The following NKAIN2 variants were observed in gnomAD, a reference collection of about 807,000 sequenced individuals.
NKAIN2 encodes sodium/potassium-transporting ATPase subunit beta-1-interacting protein 2.
Under a neutral mutation model 32.6 loss-of-function variants are expected in NKAIN2, and 14 were observed. The observed-to-expected ratio is 0.43, with a 90% CI of 0.28 to 0.67. NKAIN2 has a LOEUF of 0.67. Among genes scored for constraint, NKAIN2 ranks in the 30% least tolerant of loss-of-function variants. NKAIN2 has a pLI of 0.17. For synonymous variants in NKAIN2, 80 were observed against 87.2 expected, an observed-to-expected ratio of 0.92 and a Z score of 0.46; for missense variants, 198 against 258.3, an observed-to-expected ratio of 0.77 and a Z score of 1.60.
chr6:124,691,444 C>T (rs537016367), intron 4 of NKAIN2, among the ~76,000 whole-genome samples: 1 of 152,248 alleles, frequency 6.6e-6, no homozygotes, highest in South Asian at 2.1e-4. Context: ...GTACAAAATT[C>T]AAATTCTTCA....
In NKAIN2 at chr6:124,636,081, A is replaced by G. The variant is rs79184124; in HGVS notation, c.274-22105A>G. Reference sequence around the variant, plus strand: ...CAGCAAATTTTTAAAAATTTAAATCATGTCAAGTATCTTCTCAGACCACAA... The same window carrying G: ...CAGCAAATTTTTAAAAATTTAAATCGTGTCAAGTATCTTCTCAGACCACAA... On this transcript the variant is annotated intron_variant, in intron 3 of 6. Transcript: ENST00000368417. 5.4e-3 allele frequency among the ~76,000 whole-genome samples: 825 copies of G among 152,096 alleles called. 11 individuals are homozygous for G. Among genetic ancestry groups the G allele is most frequent in the African/African-American group, 0.019 (787 of 41,552 alleles).
chr6:124,343,325 T>C (rs1342259263), intron 2 of NKAIN2, among the ~76,000 whole-genome samples: 8 of 151,676 alleles, frequency 5.3e-5, no homozygotes, highest in Non-Finnish European at 8.8e-5. Context: ...GCATGATTTA[T>C]AGTCCTTTGG....
At chr6:124,447,608 C>T (rs994780127) in intron 3 of NKAIN2, among the ~76,000 whole-genome samples, 7 of 152,076 alleles carry the variant, frequency 4.6e-5, no homozygotes, top group Non-Finnish European at 8.8e-5. Context: ...AGTGATTGAA[C>T]GGCACTTTCT....
chr6:123,981,493 A>T (rs1582880110), intron 1 of NKAIN2, among the ~76,000 whole-genome samples: 1 of 152,094 alleles, frequency 6.6e-6, no homozygotes, highest in African/African-American at 2.4e-5. Context: ...GTGAATGCAG[A>T]CCTTCCCATT....
intron 4 of NKAIN2, among the ~76,000 whole-genome samples, chr6:124,728,764 C>G (rs1311363046): frequency 6.6e-6 from 1 of 151,716 alleles, no homozygotes; most frequent in Non-Finnish European, 1.5e-5. Flanking sequence ...TTAATGAAAC[C>G]AGGAGCTGGT....
At chr6:123,830,670 G>C (rs1296700842) in intron 1 of NKAIN2, among the ~76,000 whole-genome samples, 1 of 151,932 alleles carries the variant, frequency 6.6e-6, no homozygotes, top group Non-Finnish European at 1.5e-5. Context: ...TTTCTCTTTT[G>C]TAGCATTTAT....
chr6:124,627,098 C>T (rs1343363306), intron 3 of NKAIN2, among the ~76,000 whole-genome samples: 1 of 151,974 alleles, frequency 6.6e-6, no homozygotes, highest in African/African-American at 2.4e-5. Context: ...GGCAAAATTC[C>T]GTCTCTACTA....
At chr6:124,773,768 G>A (rs1197487813) in intron 4 of NKAIN2, among the ~76,000 whole-genome samples, 1 of 152,112 alleles carries the variant, frequency 6.6e-6, no homozygotes, top group Non-Finnish European at 1.5e-5. Flanking sequence ...AATAGAGTGG[G>A]GTTAGTAGTG....
chr6:124,354,668 C>G (rs1407936528), intron 2 of NKAIN2, among the ~76,000 whole-genome samples: 5 of 152,008 alleles, frequency 3.3e-5, no homozygotes, highest in Admixed American at 3.3e-4. Flanking sequence ...TGTGAGTCTT[C>G]TTTTGGTGGG....
chr6:124,633,031 T>C (rs747266397), intron 3 of NKAIN2, among the ~76,000 whole-genome samples: 6 of 152,162 alleles, frequency 3.9e-5, no homozygotes, highest in Non-Finnish European at 8.8e-5. Flanking sequence ...AAGTTAATTA[T>C]GTGAATTATG....
chr6:124,481,179 T>C (rs1777432713), intron 3 of NKAIN2, among the ~76,000 whole-genome samples: 2 of 150,608 alleles, frequency 1.3e-5, no homozygotes, highest in Admixed American at 1.3e-4. Flanking sequence ...ACTTTTTTTT[T>C]TTTTTTTTTC....
intron 3 of NKAIN2, among the ~76,000 whole-genome samples, chr6:124,380,039 G>A (rs894357999): frequency 1.3e-5 from 2 of 152,022 alleles, no homozygotes; most frequent in Admixed American, 6.6e-5. Flanking sequence ...ATATTTTCAC[G>A]CTATGCAGTT....
At chr6:124,048,772 A>G (rs376443806) in intron 1 of NKAIN2, among the ~76,000 whole-genome samples, 147 of 152,012 alleles carry the variant, frequency 9.7e-4, no homozygotes, top group African/African-American at 3.5e-3. Flanking sequence ...AGAAAAGTAA[A>G]CAAAGTAAAA....
chr6:124,307,129 T>G (rs1796539420), intron 2 of NKAIN2, among the ~76,000 whole-genome samples: 1 of 151,994 alleles, frequency 6.6e-6, no homozygotes, highest in Non-Finnish European at 1.5e-5. Context: ...TGACATAAAT[T>G]TAGTATATAT....
At chr6:124,041,725 G>GA (rs926988899) in intron 1 of NKAIN2, among the ~76,000 whole-genome samples, 1 of 151,792 alleles carries the variant, frequency 6.6e-6, no homozygotes. Flanking sequence ...AATAAAAAGG[G>GA]AAAAAAACAG....
intron 1 of NKAIN2, among the ~76,000 whole-genome samples, chr6:124,132,421 A>T (rs1379831645): frequency 1.3e-5 from 2 of 152,220 alleles, no homozygotes; most frequent in East Asian, 3.9e-4. Flanking sequence ...TGGGTAACTT[A>T]GGGCAACCTC....
intron 3 of NKAIN2, among the ~76,000 whole-genome samples, chr6:124,563,702 G>A (rs1054967722): frequency 6.6e-6 from 1 of 152,126 alleles, no homozygotes; most frequent in African/African-American, 2.4e-5. Flanking sequence ...CTGTCACCCA[G>A]GCTAGAGTGC....
At chr6:124,366,928 G>GA (rs5879729) in intron 3 of NKAIN2, among the ~76,000 whole-genome samples, 63 of 131,930 alleles carry the variant, frequency 4.8e-4, no homozygotes, top group South Asian at 7.5e-4. Context: ...ACCCTGTCTC[G>GA]AAAAAAAAAA....
intron 3 of NKAIN2, among the ~76,000 whole-genome samples, chr6:124,442,320 A>ATTT (rs1163222535): frequency 6.6e-6 from 1 of 151,636 alleles, no homozygotes; most frequent in Non-Finnish European, 1.5e-5. Context: ...TCCCCACTAA[A>ATTT]TTTTCCAGTC....
Sources: gnomAD v4.1 joint callset for allele counts (sites outside exome capture counted in the v4.1 genomes callset) on GRCh38, gnomAD v4.1.1 for gene constraint, MANE v1.5 for transcripts, NCBI Gene and HGNC (gene_info 2026-07-23, HGNC 2026-07-21) for gene names.